ZNF385D: variants seen among roughly 807,000 people sequenced by gnomAD.
ZNF385D encodes the protein zinc finger protein 659.
A neutral mutation model predicts 35.8 loss-of-function variants in ZNF385D; 15 were observed. The ratio of observed to expected loss-of-function variants is 0.42; its 90% CI spans 0.28 to 0.64. The LOEUF (loss-of-function observed/expected upper bound fraction) is 0.64, where lower values mean the gene tolerates loss of function less well. Among genes scored for constraint, ZNF385D ranks in the 30% least tolerant of loss-of-function variants. ZNF385D has a pLI of 0.23. For synonymous variants in ZNF385D, 212 were observed against 186.8 expected, an observed-to-expected ratio of 1.13 and a Z score of -1.10; for missense variants, 474 against 494.6, an observed-to-expected ratio of 0.96 and a Z score of 0.39.
chr3:21,913,766 T>C (rs944673043), intron 3 of ZNF385D, among the ~76,000 whole-genome samples: 12 of 152,096 alleles, frequency 7.9e-5, no homozygotes, highest in Non-Finnish European at 1.6e-4. Flanking sequence ...TTCTACCTCC[T>C]GTACCATTCG....
chr3:22,278,547 A>T (rs1701552247), intron 2 of ZNF385D, among the ~76,000 whole-genome samples: 1 of 152,144 alleles, frequency 6.6e-6, no homozygotes, highest in African/African-American at 2.4e-5. Flanking sequence ...TAGTTAATCC[A>T]GTTTAAAATT....
At chr3:21,443,081 G>A (rs1575153693) in intron 4 of ZNF385D, 6 of 949,456 alleles carry the variant, frequency 6.3e-6, no homozygotes, top group Non-Finnish European at 7.5e-6. Flanking sequence ...GAGTGGTATA[G>A]CTGTAGAAAG....
At chr3:22,338,971 G>A (rs1468082951) in intron 2 of ZNF385D, among the ~76,000 whole-genome samples, 1 of 151,880 alleles carries the variant, frequency 6.6e-6, no homozygotes, top group Non-Finnish European at 1.5e-5. Context: ...AAAGTGTTAG[G>A]ATTACAGGTG....
intron 3 of ZNF385D, among the ~76,000 whole-genome samples, chr3:21,912,367 G>C (rs1474725445): frequency 2.0e-5 from 3 of 150,796 alleles, no homozygotes; most frequent in Non-Finnish European, 2.9e-5. Flanking sequence ...GGAGATGACA[G>C]TTAACATCAA....
chr3:21,564,488 A>G (rs1247180787), intron 3 of ZNF385D, 86 bp downstream of exon 3: 2 of 773,214 alleles, frequency 2.6e-6, no homozygotes, highest in Non-Finnish European at 3.9e-6. Flanking sequence ...ACTGGAGAAA[A>G]TGTCTTAAGA....
At chr3:21,521,558 G>A (rs924320577) in intron 3 of ZNF385D, among the ~76,000 whole-genome samples, 1 of 152,024 alleles carries the variant, frequency 6.6e-6, no homozygotes, top group African/African-American at 2.4e-5. Flanking sequence ...TTTGAGACCG[G>A]CTTGGGCAAC....
intron 2 of ZNF385D, among the ~76,000 whole-genome samples, chr3:22,225,261 G>A (rs1345891638): frequency 6.6e-6 from 1 of 152,084 alleles, no homozygotes; most frequent in Admixed American, 6.6e-5. Flanking sequence ...CACTGTTGGT[G>A]CCCCATGTAT....
intron 3 of ZNF385D, among the ~76,000 whole-genome samples, chr3:21,540,970 A>G (rs2125561208): frequency 6.6e-6 from 1 of 152,336 alleles, no homozygotes; most frequent in East Asian, 1.9e-4. Context: ...AACAGATCCC[A>G]GAGGCAGTAT....
chr3:21,816,332 C>T (rs931665746), intron 3 of ZNF385D, among the ~76,000 whole-genome samples: 2 of 151,936 alleles, frequency 1.3e-5, no homozygotes, highest in African/African-American at 4.8e-5. Flanking sequence ...TGGGCCAGGG[C>T]AATCAGGCAG....
chr3:21,498,437 G>A (rs916364912), intron 4 of ZNF385D, among the ~76,000 whole-genome samples: 11 of 152,086 alleles, frequency 7.2e-5, no homozygotes, highest in African/African-American at 2.7e-4. Context: ...CTACAGAATG[G>A]AAGAATATAT....
In ZNF385D at chr3:21,413,731, T is replaced by C. The variant is rs937734091; in HGVS notation, c.*7483A>G. 1.3e-5 allele frequency: 2 copies of C among 152,118 alleles called. No homozygotes were observed. Among genetic ancestry groups the C allele is most frequent in the Non-Finnish European group, 2.9e-5 (2 of 67,994 alleles). 9.4% of individuals were successfully genotyped at this position (152,118 alleles called of 1,614,324 possible). On this transcript the variant is annotated 3_prime_UTR_variant, in exon 8 of 8. Transcript: ENST00000281523. ...AGAGCAAACCATAGTCTATTTTTAATTTCAAAATAGTGCTCATGTTTGTGA... is the reference window on the plus strand; with the variant it reads ...AGAGCAAACCATAGTCTATTTTTAACTTCAAAATAGTGCTCATGTTTGTGA...
intron 3 of ZNF385D, among the ~76,000 whole-genome samples, chr3:21,952,251 C>T (rs571631714): frequency 3.0e-4 from 46 of 151,966 alleles, no homozygotes; most frequent in Non-Finnish European, 2.4e-4. Context: ...TATTTCCTTG[C>T]CTGGCATCTC....
In ZNF385D at chr3:22,365,485, T is replaced by TA. The variant is rs563005439; in HGVS notation, c.106+6964dup. ...TCAGTCGACGAGATGTTTATCTTTC[T>TA]AAAAAAAATTTTTTTTTGTTTGCAA... On this transcript the variant is annotated intron_variant, in intron 2 of 5. Coordinates refer to the ZNF385D transcript ENST00000494108. Among the ~76,000 whole-genome samples, 128 of 152,134 alleles carry TA rather than the reference T, an allele frequency of 8.4e-4. 4 individuals carry two copies. In the South Asian group the frequency reaches 0.025, roughly 30 times the overall value.
chr3:21,889,382 C>T (rs967350381), intron 3 of ZNF385D, among the ~76,000 whole-genome samples: 2 of 152,028 alleles, frequency 1.3e-5, no homozygotes, highest in African/African-American at 4.8e-5. Flanking sequence ...AGCACTGTAA[C>T]CAACCAGATG....
chr3:21,646,215 A>G lies in ZNF385D; in HGVS notation c.165+18671T>C, dbSNP rs1461507176. Among the ~76,000 whole-genome samples, 1 of 152,200 alleles carries G rather than the reference A, an allele frequency of 6.6e-6. No individual in the cohort carries two copies. The highest frequency in any genetic ancestry group is 1.5e-5 in the Non-Finnish European group (1 of 68,044). ...GGGTGTCAAAACCGGCCATGTAAGT[A>G]TATGCAATCATGGTTTTGATTATGG... is the stretch of plus-strand genomic sequence containing the variant. On this transcript the variant is annotated intron_variant, in intron 2 of 7. Coordinates refer to ENST00000281523, the MANE Select transcript of ZNF385D (RefSeq NM_024697.3). The surrounding 1 kb of genome is among the most constrained non-coding windows in gnomAD (Gnocchi z 4.3).
At chr3:21,949,611 G>T (rs1701967278) in intron 3 of ZNF385D, among the ~76,000 whole-genome samples, 1 of 142,796 alleles carries the variant, frequency 7.0e-6, no homozygotes, top group South Asian at 2.2e-4. Flanking sequence ...GAACGTGCAG[G>T]TTTGTTACAT....
chr3:21,479,864 A>G (rs1322237666), intron 4 of ZNF385D, among the ~76,000 whole-genome samples: 6 of 152,214 alleles, frequency 3.9e-5, no homozygotes, highest in Non-Finnish European at 8.8e-5. Flanking sequence ...GTACTCAGAC[A>G]GTATTAATGC....
At chr3:21,468,339 T>A (rs1703654998) in intron 4 of ZNF385D, among the ~76,000 whole-genome samples, 1 of 138,952 alleles carries the variant, frequency 7.2e-6, no homozygotes. Context: ...GAGGCAGAGG[T>A]TGCACTGAGC....
intron 3 of ZNF385D, among the ~76,000 whole-genome samples, chr3:21,924,167 G>C (rs967899042): frequency 6.6e-6 from 1 of 152,102 alleles, no homozygotes; most frequent in Non-Finnish European, 1.5e-5. Context: ...CTGGAAAATG[G>C]AACAGATGTA....
Sources: allele counts gnomAD v4.1 joint callset (sites outside exome capture counted in the v4.1 genomes callset), GRCh38; gene constraint gnomAD v4.1.1; non-coding constraint Gnocchi (gnomAD v3.1); transcripts MANE v1.5; gene names NCBI Gene and HGNC (gene_info 2026-07-23, HGNC 2026-07-21).